Variants in CCDC80 observed in about 807,000 individuals in gnomAD.
The protein encoded by CCDC80 is coiled-coil domain-containing protein 80.
In CCDC80, 49 loss-of-function variants were observed where a neutral mutation model predicts 78.7. That is an observed-to-expected ratio of 0.62 (90% confidence interval 0.50 to 0.79). The LOEUF (loss-of-function observed/expected upper bound fraction) is 0.79, where lower values mean the gene tolerates loss of function less well. CCDC80 is among the 30% of genes least tolerant of loss of function. The pLI, the probability that CCDC80 is intolerant of heterozygous loss-of-function variation, is 0.00. For missense variants in CCDC80, 1,205 were observed against 1,198.6 expected, an observed-to-expected ratio of 1.01 and a Z score of -0.08; for synonymous variants, 488 against 447.0, an observed-to-expected ratio of 1.09 and a Z score of -1.16.
At chr3:112,615,857 G>C (rs1295362727) in intron 5 of CCDC80, among the ~76,000 whole-genome samples, 2 of 152,144 alleles carry the variant, frequency 1.3e-5, no homozygotes, top group Non-Finnish European at 2.9e-5. Flanking sequence ...GTCTAAAAAG[G>C]AGAGGCACAA....
chr3:112,639,184 G>A lies in CCDC80; in HGVS notation c.722C>T (p.Thr241Met), dbSNP rs145846643. The change falls in exon 2 of 8, where the codon ACG becomes ATG. Residue 241 changes from threonine (T) to methionine (M), a missense_variant. Thr to Met is a moderately conservative substitution (Grantham distance 81). Coordinates refer to ENST00000206423, the MANE Select transcript of CCDC80 (RefSeq NM_199511.3). ...GKFGMVLLKK[T>M]LQVEERYPYP... ...TGGATAGCGCTCCTCCACCTGCAGC[G>A]TCTTCTTCAGCAGCACCATGCCAAA... 29 of 1,614,148 alleles carry A rather than the reference G, an allele frequency of 1.8e-5. No individual in the cohort carries two copies. In the African/African-American group the frequency reaches 3.6e-4, roughly 20 times the overall value.
chr3:112,623,491 TG>T (rs1473389566), intron 3 of CCDC80, among the ~76,000 whole-genome samples: 1 of 152,176 alleles, frequency 6.6e-6, no homozygotes, highest in African/African-American at 2.4e-5. Context: ...TCTAGCAGTT[TG>T]TAAAAGTACG....
intron 2 of CCDC80, among the ~76,000 whole-genome samples, chr3:112,635,024 G>T (rs1216962487): frequency 2.0e-5 from 3 of 152,154 alleles, no homozygotes; most frequent in Non-Finnish European, 4.4e-5. Context: ...TCGTCAACAG[G>T]TTTAGAGGCA....
At chr3:112,637,905 GAC>G in intron 2 of CCDC80, 121 bp downstream of exon 2, 1 of 1,452,696 alleles carries the variant, frequency 6.9e-7, no homozygotes. Context: ...TGAGCTTCTT[GAC>G]ACAGTACAGG....
At chr3:112,609,956 A>T in intron 6 of CCDC80, 22 bp downstream of exon 6, 1 of 1,547,796 alleles carries the variant, frequency 6.5e-7, no homozygotes, top group Non-Finnish European at 8.9e-7. Flanking sequence ...GGAAAGCAGT[A>T]ATGAGGTGGC....
chr3:112,634,069 A>G (rs771884066), intron 2 of CCDC80, among the ~76,000 whole-genome samples: 1 of 152,218 alleles, frequency 6.6e-6, no homozygotes, highest in African/African-American at 2.4e-5. Context: ...AGAGCAATGG[A>G]AAAAAGCTAG....
Position 112,629,191 on chromosome 3 carries a change from T to C in CCDC80, c.2035+922A>G, listed in dbSNP as rs566554486. ...TAGTTATATATTACTAAATATATTTTATATTCTTTCAAGTGCTTTTAGATG... is the reference window on the plus strand; with the variant it reads ...TAGTTATATATTACTAAATATATTTCATATTCTTTCAAGTGCTTTTAGATG... On this transcript the variant is annotated intron_variant, in intron 3 of 7. Transcript: ENST00000206423. Among the ~76,000 whole-genome samples, 288 of 152,204 alleles carry C rather than the reference T, an allele frequency of 1.9e-3. 2 individuals carry two copies. Among genetic ancestry groups the C allele is most frequent in the African/African-American group, 6.7e-3 (279 of 41,560 alleles).
intron 3 of CCDC80, among the ~76,000 whole-genome samples, chr3:112,625,653 T>C (rs1351195409): frequency 6.6e-6 from 1 of 152,128 alleles, no homozygotes; most frequent in Non-Finnish European, 1.5e-5. Context: ...GAACAATATA[T>C]ATAATATGCT....
intron 2 of CCDC80, among the ~76,000 whole-genome samples, chr3:112,635,124 T>G (rs939075113): frequency 6.6e-6 from 1 of 152,224 alleles, no homozygotes; most frequent in Non-Finnish European, 1.5e-5. Context: ...GCCATCAGCC[T>G]GTAACCCACA....
At position 112,630,126 on chromosome 3, in the gene CCDC80, G is replaced by A; in HGVS notation, c.2022C>T (p.Asp674=). 6.2e-7 allele frequency: 1 copy of A among 1,613,742 alleles called. No homozygotes were observed. Among genetic ancestry groups the A allele is most frequent in the Non-Finnish European group, 8.5e-7 (1 of 1,179,774 alleles). ...GTTTAAGAGAACCTAGCTGAAAGTG[G>A]TCGATTTTCATGGTGCTGTTGTTGA... ...GPVNNSTMKI[D]HFQLDNEKPM... Residue 674 remains aspartate, a synonymous_variant, in exon 3 of 8, where the codon GAC becomes GAT. Coordinates refer to ENST00000206423, the MANE Select transcript of CCDC80 (RefSeq NM_199511.3).
intron 3 of CCDC80, among the ~76,000 whole-genome samples, chr3:112,627,553 T>C (rs989760086): frequency 1.3e-5 from 2 of 152,178 alleles, no homozygotes; most frequent in Non-Finnish European, 1.5e-5. Flanking sequence ...AGGCAGAGCT[T>C]GATTTATTTT....
chr3:112,605,519 C>T lies in CCDC80; in HGVS notation c.2751G>A (p.Glu917=). The T allele has an allele frequency of 6.2e-7, 1 of 1,614,186 alleles. No homozygotes were observed. Among genetic ancestry groups the T allele is most frequent in the Non-Finnish European group, 8.5e-7 (1 of 1,180,028 alleles). The change falls in exon 8 of 8, where the codon GAG becomes GAA. Residue 917 remains glutamate, a synonymous_variant. Coordinates refer to ENST00000206423, the MANE Select transcript of CCDC80 (RefSeq NM_199511.3). ...QSLGMRCPED[E]YAGYGYHSYH... ...AACTATGGTAACCATAGCCTGCATA[C>T]TCATCTTCTGGGCAGCGCATCCCCA...
intron 3 of CCDC80, among the ~76,000 whole-genome samples, chr3:112,625,060 T>G (rs917435587): frequency 6.6e-6 from 1 of 152,146 alleles, no homozygotes; most frequent in African/African-American, 2.4e-5. Context: ...AGAGTACCTA[T>G]GCATTGGGAT....
Position 112,614,027 on chromosome 3 carries a change from A to T in CCDC80, c.2321+2683T>A, listed in dbSNP as rs372210567. On this transcript the variant is annotated intron_variant, in intron 5 of 7. Coordinates refer to ENST00000206423, the MANE Select transcript of CCDC80 (RefSeq NM_199511.3). ...CAGGTAAGTTGAAATCTTACAGTGT[A>T]TGCAGTTTTTAGAACATCTGAGAGA... Among the ~76,000 whole-genome samples, 168 of 152,256 alleles carry T rather than the reference A, an allele frequency of 1.1e-3. 2 individuals carry two copies. In the South Asian group the frequency reaches 0.022, roughly 20 times the overall value.
At chr3:112,632,530 C>G (rs1041326253) in intron 2 of CCDC80, among the ~76,000 whole-genome samples, 1 of 152,140 alleles carries the variant, frequency 6.6e-6, no homozygotes, top group Non-Finnish European at 1.5e-5. Flanking sequence ...AATCTGTGGA[C>G]AGATCACGGT....
At chr3:112,609,761 G>A (rs1234615862) in intron 6 of CCDC80, among the ~76,000 whole-genome samples, 2 of 151,022 alleles carry the variant, frequency 1.3e-5, no homozygotes, top group Non-Finnish European at 2.9e-5. Flanking sequence ...AGAAGAACTA[G>A]AGAGGAGAGA....
At chr3:112,618,493 C>T (rs1032453867) in intron 4 of CCDC80, among the ~76,000 whole-genome samples, 5 of 151,982 alleles carry the variant, frequency 3.3e-5, no homozygotes, top group African/African-American at 1.2e-4. Flanking sequence ...CGCCACTGCA[C>T]TCCAGCCTGG....
Position 112,639,839 on chromosome 3 carries a change from G to A in CCDC80, c.67C>T (p.Pro23Ser), listed in dbSNP as rs563853212. Residue 23 changes from proline to serine, a missense_variant, in exon 2 of 8, where the codon CCC becomes TCC. Coordinates refer to ENST00000206423, the MANE Select transcript of CCDC80 (RefSeq NM_199511.3). Reference sequence around the variant, plus strand: ...CCTCTAATAGTGGCATGGGGGTGGGGTTCTGATCCACACACTAGCCACATG... The same window carrying A: ...CCTCTAATAGTGGCATGGGGGTGGGATTCTGATCCACACACTAGCCACATG... ...LAMWLVCGSE[P>S]HPHATIRGSH... is the part of the protein sequence containing the mutation. 2.5e-6 allele frequency: 4 copies of A among 1,614,060 alleles called. No individual in the cohort carries two copies. The highest frequency in any genetic ancestry group is 2.2e-5 in the East Asian group (1 of 44,888).
chr3:112,637,405 G>A (rs1319533307), intron 2 of CCDC80, among the ~76,000 whole-genome samples: 1 of 152,108 alleles, frequency 6.6e-6, no homozygotes, highest in Non-Finnish European at 1.5e-5. Context: ...CATTTTAAAA[G>A]GATCCGTGAG....
Sources: gnomAD v4.1 joint callset for allele counts (sites outside exome capture counted in the v4.1 genomes callset) on GRCh38, gnomAD v4.1.1 for gene constraint, MANE v1.5 for transcripts, NCBI Gene and HGNC (gene_info 2026-07-23, HGNC 2026-07-21) for gene names.